SLC35F4: variants seen among roughly 807,000 people sequenced by gnomAD.
SLC35F4 encodes solute carrier family 35 member F4.
Under a neutral mutation model 44.2 loss-of-function variants are expected in SLC35F4, and 24 were observed. The ratio of observed to expected loss-of-function variants is 0.54; its 90% CI spans 0.39 to 0.76. The LOEUF (loss-of-function observed/expected upper bound fraction) is 0.76. Among genes scored for constraint, SLC35F4 ranks in the 30% least tolerant of loss-of-function variants. SLC35F4 has a pLI of 0.00. For synonymous variants in SLC35F4, 238 were observed against 223.6 expected (o/e 1.06, Z -0.57); for missense variants, 562 against 586.1 (o/e 0.96, Z 0.42).
intron 1 of SLC35F4, among the ~76,000 whole-genome samples, chr14:57,729,035 G>T (rs1175562254): frequency 6.6e-6 from 1 of 152,096 alleles, no homozygotes; most frequent in East Asian, 1.9e-4. Context: ...AGACATTTTG[G>T]AACTCCATTG....
intron 1 of SLC35F4, among the ~76,000 whole-genome samples, chr14:57,683,595 C>T (rs1463226833): frequency 6.6e-6 from 1 of 152,188 alleles, no homozygotes; most frequent in East Asian, 1.9e-4. Context: ...ACAGACATCT[C>T]CTCCCTTTCC....
At chr14:57,696,715 A>C (rs776291529) in intron 1 of SLC35F4, among the ~76,000 whole-genome samples, 2 of 152,180 alleles carry the variant, frequency 1.3e-5, no homozygotes, top group African/African-American at 4.8e-5. Context: ...GCATATATAC[A>C]CCATGGAATA....
intron 1 of SLC35F4, among the ~76,000 whole-genome samples, chr14:57,675,149 T>A (rs1393948981): frequency 6.6e-6 from 1 of 151,954 alleles, no homozygotes; most frequent in Non-Finnish European, 1.5e-5. Context: ...GAGGTAGTGG[T>A]GGTAGGGAAC....
chr14:57,680,420 C>G (rs2074856777), intron 1 of SLC35F4, among the ~76,000 whole-genome samples: 1 of 152,122 alleles, frequency 6.6e-6, no homozygotes, highest in South Asian at 2.1e-4. Context: ...CAATATCATA[C>G]TGAATCGGCA....
At chr14:57,971,449 T>A (rs543119850) in intron 1 of SLC35F4, among the ~76,000 whole-genome samples, 1 of 152,312 alleles carries the variant, frequency 6.6e-6, no homozygotes, top group East Asian at 1.9e-4. Flanking sequence ...AAAAGGTGGA[T>A]TCTCCCCCTA....
chr14:57,870,492 G>A (rs2141026677), upstream of SLC35F4, among the ~76,000 whole-genome samples: 1 of 152,248 alleles, frequency 6.6e-6, no homozygotes, highest in South Asian at 2.1e-4. Flanking sequence ...AAATAAATGA[G>A]TTTATACCCA....
At chr14:57,718,204 T>C (rs1261096633) in intron 1 of SLC35F4, among the ~76,000 whole-genome samples, 1 of 152,232 alleles carries the variant, frequency 6.6e-6, no homozygotes, top group Non-Finnish European at 1.5e-5. Context: ...AATAGTACTC[T>C]ATTGTGTATA....
At chr14:57,925,497 G>GGAA (rs1889542181) in intron 1 of SLC35F4, among the ~76,000 whole-genome samples, 1 of 5,920 alleles carries the variant, frequency 1.7e-4, no homozygotes, top group African/African-American at 3.6e-4. Context: ...AAGGAAGGAA[G>GGAA]GGAGGGAGGG....
intron 1 of SLC35F4, among the ~76,000 whole-genome samples, chr14:57,703,030 A>G (rs2075581597): frequency 1.3e-5 from 2 of 151,736 alleles, no homozygotes; most frequent in South Asian, 4.2e-4. Context: ...TTTTGCACAC[A>G]TAAATATAAA....
chr14:57,751,912 TTCTCTCTCTCTCTC>T (rs3062974), intron 1 of SLC35F4, among the ~76,000 whole-genome samples: 9 of 149,376 alleles, frequency 6.0e-5, no homozygotes, highest in Non-Finnish European at 1.2e-4. Context: ...TAAAAAACAT[TTCTCTCTCTCTCTC>T]TCTCTCTCTC....
chr14:57,824,001 A>ATATTCCCCAAATCAGGAAG (rs1883454492), intron 1 of SLC35F4, among the ~76,000 whole-genome samples: 1 of 152,102 alleles, frequency 6.6e-6, no homozygotes, highest in Non-Finnish European at 1.5e-5. Context: ...ATTTTATATC[A>ATATTCCCCAAATCAGGAAG]TATTCCCCAA....
intron 1 of SLC35F4, among the ~76,000 whole-genome samples, chr14:57,620,482 G>A (rs2072117469): frequency 6.6e-6 from 1 of 152,112 alleles, no homozygotes; most frequent in Admixed American, 6.5e-5. Context: ...TTACAGACAA[G>A]CAAATGCTGA....
intron 1 of SLC35F4, among the ~76,000 whole-genome samples, chr14:57,713,916 C>G (rs977383210): frequency 5.3e-5 from 8 of 152,148 alleles, no homozygotes; most frequent in South Asian, 2.1e-4. Context: ...TCCCCCACCC[C>G]CCATGGGTCA....
At chr14:57,937,525 T>G (rs768838082) in intron 1 of SLC35F4, among the ~76,000 whole-genome samples, 5 of 124,278 alleles carry the variant, frequency 4.0e-5, no homozygotes, top group African/African-American at 1.2e-4. Flanking sequence ...GGAGGCAAAA[T>G]TACAATAATG....
chr14:57,938,457 C>T (rs990342567), intron 1 of SLC35F4, among the ~76,000 whole-genome samples: 6 of 152,142 alleles, frequency 3.9e-5, no homozygotes, highest in Non-Finnish European at 5.9e-5. Flanking sequence ...ATCAGCACTT[C>T]GTTAACTTTC....
At chr14:57,833,338 AT>A (rs1663905825) in intron 1 of SLC35F4, among the ~76,000 whole-genome samples, 1 of 152,210 alleles carries the variant, frequency 6.6e-6, no homozygotes. Flanking sequence ...TGGTATTTTC[AT>A]TCTTTTCTGA....
intron 1 of SLC35F4, among the ~76,000 whole-genome samples, chr14:57,654,426 TC>T (rs1473258153): frequency 6.6e-6 from 1 of 152,220 alleles, no homozygotes; most frequent in East Asian, 1.9e-4. Context: ...ATTATTTCAC[TC>T]TTTTTTATGG....
intron 1 of SLC35F4, among the ~76,000 whole-genome samples, chr14:57,801,501 C>T (rs901238275): frequency 6.6e-6 from 1 of 152,112 alleles, no homozygotes; most frequent in Non-Finnish European, 1.5e-5. Flanking sequence ...GACAAAAGCA[C>T]ACATAACAAT....
rs542686224 is a variant in SLC35F4 at position 57,740,607 on chromosome 14, C to T, written c.103+125116G>A. ...AGAGAAGTAGGGTAACTATAGTTTA[C>T]GAGAATATATTGTACATTCTAAAAT... On this transcript the variant is annotated intron_variant, in intron 1 of 7. Coordinates refer to ENST00000556826, the MANE Select transcript of SLC35F4 (RefSeq NM_001306087.2). Among the ~76,000 whole-genome samples, 5 of 152,088 alleles carry T rather than the reference C, an allele frequency of 3.3e-5. No individual in the cohort carries two copies. The South Asian group carries it at 8.3e-4, about 25-fold the overall frequency.
Sources: gnomAD v4.1 joint callset for allele counts (sites outside exome capture counted in the v4.1 genomes callset) on GRCh38, gnomAD v4.1.1 for gene constraint, MANE v1.5 for transcripts, NCBI Gene and HGNC (gene_info 2026-07-23, HGNC 2026-07-21) for gene names.